Variants in CSMD1 observed in about 807,000 individuals in gnomAD.
The protein encoded by CSMD1 is CUB and Sushi multiple domains 1, also known as CUB and sushi domain-containing protein 1.
In CSMD1, 213 loss-of-function variants were observed where a neutral mutation model predicts 417.5. The ratio of observed to expected loss-of-function variants is 0.51; its 90% CI spans 0.46 to 0.57. The LOEUF is 0.57. CSMD1 is among the 20% of genes least tolerant of loss of function. CSMD1 has a pLI of 0.00. For missense variants in CSMD1, 6,923 were observed against 4,529.7 expected (o/e 1.53, Z -15.17); for synonymous variants, 2,862 against 1,736.8 (o/e 1.65, Z -16.11).
chr8:3,737,173 T>C (rs1388269087), intron 6 of CSMD1, among the ~76,000 whole-genome samples: 2 of 152,208 alleles, frequency 1.3e-5, no homozygotes, highest in East Asian at 3.9e-4. Context: ...AAAAATTGCA[T>C]TTCCTACCCT....
chr8:3,596,681 C>A (rs1432083043), intron 8 of CSMD1, among the ~76,000 whole-genome samples: 1 of 152,108 alleles, frequency 6.6e-6, no homozygotes, highest in Non-Finnish European at 1.5e-5. Flanking sequence ...AATTGACCAG[C>A]AACCACAGTA....
At position 4,830,044 on chromosome 8, in the gene CSMD1, G is replaced by C. The variant is rs530188282; in HGVS notation, c.85+164288C>G. 3.3e-5 allele frequency among the ~76,000 whole-genome samples: 5 copies of C among 152,276 alleles called. No homozygotes were observed. In the South Asian group the frequency reaches 1.0e-3, roughly 32 times the overall value. ...TCCTTCTCTAAGGCACTAATCACAA[G>C]GACTTATACCTGTGCACGTCCTGCC... On this transcript the variant is annotated intron_variant, in intron 1 of 69. Coordinates refer to ENST00000635120, the MANE Select transcript of CSMD1 (RefSeq NM_033225.6).
intron 10 of CSMD1, among the ~76,000 whole-genome samples, chr8:3,554,679 GT>G (rs770520386): frequency 3.9e-5 from 6 of 152,100 alleles, no homozygotes; most frequent in Admixed American, 1.3e-4. Context: ...GCTTGTTAGA[GT>G]TTTTTTTCTC....
At chr8:3,800,845 C>T (rs1279269279) in intron 5 of CSMD1, among the ~76,000 whole-genome samples, 2 of 152,102 alleles carry the variant, frequency 1.3e-5, no homozygotes, top group African/African-American at 2.4e-5. Context: ...TTTGACACAG[C>T]ACAAAAGCCC....
chr8:3,369,175 G>A (rs980424849), intron 19 of CSMD1, 79 bp downstream of exon 19: 22 of 687,764 alleles, frequency 3.2e-5, no homozygotes, highest in Non-Finnish European at 5.0e-5. Context: ...TGTTTACACC[G>A]TAATATGTTT....
At chr8:4,820,945 T>G (rs1799487579) in intron 1 of CSMD1, among the ~76,000 whole-genome samples, 1 of 152,190 alleles carries the variant, frequency 6.6e-6, no homozygotes, top group African/African-American at 2.4e-5. Flanking sequence ...CCATCTTTCC[T>G]CAAGCTTTAC....
chr8:4,575,306 A>G (rs1443099014), intron 2 of CSMD1, among the ~76,000 whole-genome samples: 1 of 152,218 alleles, frequency 6.6e-6, no homozygotes, highest in East Asian at 1.9e-4. Flanking sequence ...TGTCCTTTTT[A>G]TGTAATAATG....
At chr8:3,491,021 C>T (rs961041109) in intron 11 of CSMD1, among the ~76,000 whole-genome samples, 1 of 152,078 alleles carries the variant, frequency 6.6e-6, no homozygotes, top group Non-Finnish European at 1.5e-5. Flanking sequence ...AATGAAGATG[C>T]CTCTTCATCC....
intron 1 of CSMD1, among the ~76,000 whole-genome samples, chr8:4,719,703 C>G (rs1808926317): frequency 6.6e-6 from 1 of 152,104 alleles, no homozygotes; most frequent in Admixed American, 6.5e-5. Flanking sequence ...TTATGTATTT[C>G]AGTAAAAGCT....
intron 3 of CSMD1, among the ~76,000 whole-genome samples, chr8:4,114,661 C>T (rs771834866): frequency 2.0e-5 from 3 of 152,066 alleles, no homozygotes; most frequent in East Asian, 1.9e-4. Flanking sequence ...TGCTAGATGC[C>T]ATTAAGAAAA....
At chr8:3,219,564 C>A in intron 28 of CSMD1, 122 bp from the exon 29 acceptor site, 1 of 664,230 alleles carries the variant, frequency 1.5e-6, no homozygotes. Context: ...TCAGTTAGGG[C>A]AATCAAAAAG....
chr8:4,838,437 C>A (rs1800630497), intron 1 of CSMD1, among the ~76,000 whole-genome samples: 2 of 152,118 alleles, frequency 1.3e-5, no homozygotes, highest in Non-Finnish European at 2.9e-5. Flanking sequence ...ATAGCTCAAA[C>A]CAGAGGGAAG....
chr8:3,638,964 T>C lies in CSMD1; in HGVS notation c.1010-22167A>G, dbSNP rs942139837. Reference sequence around the variant, plus strand: ...AGCAGTATGGGAATTCAGAAATTATTTCAAATAAGAGAAAGGCAGTGTTGC... The same window carrying C: ...AGCAGTATGGGAATTCAGAAATTATCTCAAATAAGAGAAAGGCAGTGTTGC... On this transcript the variant is annotated intron_variant, in intron 7 of 69. Transcript: ENST00000635120. Among the ~76,000 whole-genome samples, 6 of 152,220 alleles carry C rather than the reference T, an allele frequency of 3.9e-5. No homozygotes were observed. The South Asian group carries it at 8.3e-4, about 21-fold the overall frequency.
intron 3 of CSMD1, among the ~76,000 whole-genome samples, chr8:4,103,684 A>G (rs1801419970): frequency 6.6e-6 from 1 of 152,114 alleles, no homozygotes; most frequent in African/African-American, 2.4e-5. Context: ...ATGATTATAA[A>G]CTGGAGTGAA....
intron 8 of CSMD1, among the ~76,000 whole-genome samples, chr8:3,613,008 G>C (rs1027900980): frequency 6.6e-6 from 1 of 151,812 alleles, no homozygotes; most frequent in East Asian, 1.9e-4. Context: ...TTTTTGAGAA[G>C]TTCAATAATA....
At chr8:2,976,432 A>G (rs1406918495) in intron 55 of CSMD1, among the ~76,000 whole-genome samples, 2 of 152,086 alleles carry the variant, frequency 1.3e-5, no homozygotes. Flanking sequence ...GTGCAATCGT[A>G]ACTCCTGGAC....
chr8:3,629,612 T>A (rs971919508), intron 7 of CSMD1, among the ~76,000 whole-genome samples: 3 of 152,200 alleles, frequency 2.0e-5, no homozygotes, highest in Non-Finnish European at 4.4e-5. Flanking sequence ...CATGAGTCAA[T>A]CTCTATGATT....
chr8:4,396,874 TA>T (rs969304123), intron 3 of CSMD1, among the ~76,000 whole-genome samples: 3 of 152,088 alleles, frequency 2.0e-5, no homozygotes, highest in Admixed American at 6.6e-5. Flanking sequence ...CTTTCAGGAC[TA>T]GGGGGAAAGG....
chr8:4,439,199 T>C (rs992504135), intron 2 of CSMD1, among the ~76,000 whole-genome samples: 1 of 152,162 alleles, frequency 6.6e-6, no homozygotes, highest in Admixed American at 6.6e-5. Context: ...ATTAAACACA[T>C]TGCAAATTTC....
Sources: allele counts gnomAD v4.1 joint callset (sites outside exome capture counted in the v4.1 genomes callset), GRCh38; gene constraint gnomAD v4.1.1; transcripts MANE v1.5; gene names NCBI Gene and HGNC (gene_info 2026-07-23, HGNC 2026-07-21).